The following FBXO11 variants were observed in gnomAD, a reference collection of about 807,000 sequenced individuals.
FBXO11 encodes the protein F-box only protein 11.
Under a neutral mutation model 117.0 loss-of-function variants are expected in FBXO11, and 13 were observed. The observed-to-expected ratio is 0.11, with a 90% CI of 0.07 to 0.18. The LOEUF is 0.18. Among genes scored for constraint, FBXO11 ranks in the 10% least tolerant of loss-of-function variants. FBXO11 has a pLI of 1.00. For missense variants in FBXO11, 767 were observed against 1,164.4 expected (o/e 0.66, Z 4.97); for synonymous variants, 490 against 380.5 (o/e 1.29, Z -3.35).
intron 1 of FBXO11, among the ~76,000 whole-genome samples, chr2:47,844,268 T>C (rs1252144085): frequency 6.6e-6 from 1 of 152,196 alleles, no homozygotes. Context: ...CACTCACATT[T>C]TATATTCTCT....
chr2:47,839,649 C>A lies in FBXO11; in HGVS notation c.353G>T (p.Ser118Ile). 2 of 1,614,008 alleles carry A rather than the reference C, an allele frequency of 1.2e-6. No homozygotes were observed. The highest frequency in any genetic ancestry group is 1.7e-6 in the Non-Finnish European group (2 of 1,179,996). Reference sequence around the variant, plus strand: ...AACTACAGTTAAAGTTACCTCCATACTGTTCTTTGTGGGACACGCTGTTCT... The same window carrying A: ...AACTACAGTTAAAGTTACCTCCATAATGTTCTTTGTGGGACACGCTGTTCT... ...PKRTACPTKN[S>I]MEGASTSTTE... is the part of the protein sequence containing the mutation. Residue 118 changes from serine to isoleucine, a missense_variant, in exon 2 of 23, where the codon AGT becomes ATT. By Grantham distance (142) the Ser-to-Ile change is moderately radical (BLOSUM62 -2). This residue lies in a region of FBXO11 where 355 missense variants were observed against 299.8 expected (regional missense o/e 1.18). Transcript: ENST00000403359.
intron 18 of FBXO11, 134 bp from the exon 19 acceptor site, chr2:47,810,560 A>C: frequency 1.8e-6 from 1 of 556,938 alleles, no homozygotes; most frequent in East Asian, 3.1e-5. Flanking sequence ...TTTTCAGCCA[A>C]AACAAGTTTA....
At chr2:47,814,331 TCG>T (rs1670855236) in intron 16 of FBXO11, 1 of 152,270 alleles carries the variant, frequency 6.6e-6, no homozygotes, top group Non-Finnish European at 1.5e-5. Context: ...AAATACTTTA[TCG>T]CTAAAAAAAT....
Position 47,808,054 on chromosome 2 carries a change from C to T in FBXO11, c.*64G>A. 1.4e-6 allele frequency: 2 copies of T among 1,414,450 alleles called. No individual in the cohort carries two copies. Among genetic ancestry groups the T allele is most frequent in the Non-Finnish European group, 1.9e-6 (2 of 1,029,230 alleles). The allele number at this position is 1,414,450 out of a possible 1,614,324, so 87.6% of individuals were successfully genotyped here. A position where few individuals can be genotyped will look rare whatever the true frequency, so the allele number is the denominator to read the frequency against. On this transcript the variant is annotated 3_prime_UTR_variant, in exon 23 of 23. Transcript: ENST00000403359. ...AGCATGGGCAAATATTTTAAATCTT[C>T]TTCCAAAAAAGTGTTTTAAGTTATG... is the stretch of plus-strand genomic sequence containing the variant.
intron 16 of FBXO11, among the ~76,000 whole-genome samples, chr2:47,816,811 A>C (rs1389892388): frequency 6.6e-6 from 1 of 152,058 alleles, no homozygotes; most frequent in African/African-American, 2.4e-5. Context: ...TATTCAGTAA[A>C]CTGTACTGTA....
At chr2:47,835,368 C>A (rs988161622) in intron 5 of FBXO11, among the ~76,000 whole-genome samples, 1 of 152,118 alleles carries the variant, frequency 6.6e-6, no homozygotes, top group Non-Finnish European at 1.5e-5. Context: ...TCAAACAGAC[C>A]CATTGAAATC....
chr2:47,898,815 T>A (rs1677872451), intron 1 of FBXO11, among the ~76,000 whole-genome samples: 1 of 152,158 alleles, frequency 6.6e-6, no homozygotes, highest in Admixed American at 6.5e-5. Context: ...TATACAAACA[T>A]TCTGCCAAAT....
chr2:47,887,837 A>T (rs924614159), intron 1 of FBXO11, among the ~76,000 whole-genome samples: 2 of 152,058 alleles, frequency 1.3e-5, no homozygotes, highest in East Asian at 1.9e-4. Context: ...TTCCAGCCTG[A>T]ATGACTGAGA....
intron 1 of FBXO11, among the ~76,000 whole-genome samples, chr2:47,846,225 T>C (rs901199200): frequency 1.3e-5 from 2 of 152,230 alleles, no homozygotes; most frequent in South Asian, 2.1e-4. Context: ...CCCAGCACTT[T>C]AGGAGGCCCA....
intron 5 of FBXO11, among the ~76,000 whole-genome samples, chr2:47,835,178 T>G (rs1276515904): frequency 6.6e-6 from 1 of 152,110 alleles, no homozygotes; most frequent in Non-Finnish European, 1.5e-5. Context: ...CCCAGCCAAA[T>G]AGCAGCAGCA....
chr2:47,898,118 A>G (rs1424485069), intron 1 of FBXO11, among the ~76,000 whole-genome samples: 1 of 152,252 alleles, frequency 6.6e-6, no homozygotes. Flanking sequence ...AGAGCAAGCA[A>G]TTAACATACT....
Position 47,892,595 on chromosome 2 carries a change from C to G in FBXO11, c.232+12894G>C, listed in dbSNP as rs565300237. On this transcript the variant is annotated intron_variant, in intron 1 of 22. Transcript: ENST00000403359. ...GAATCAGAAAGATTCATAAAGGCATCCTGGGAGTTACAACTACTGCTTGCT... is the reference window on the plus strand; with the variant it reads ...GAATCAGAAAGATTCATAAAGGCATGCTGGGAGTTACAACTACTGCTTGCT... Among the ~76,000 whole-genome samples the G allele has an allele frequency of 7.9e-5, 12 of 152,172 alleles. 1 individual carries two copies. In the South Asian group the frequency reaches 1.9e-3, roughly 24 times the overall value.
rs146642271 is a variant in FBXO11, at chr2:47,813,424, A to ATTTTTTTTT, written c.2084-48_2084-47insAAAAAAAAA. 34 of 579,422 alleles carry ATTTTTTTTT rather than the reference A, an allele frequency of 5.9e-5. No individual in the cohort carries two copies. The African/African-American group carries it at 2.0e-3, about 34-fold the overall frequency. 35.9% of individuals were successfully genotyped at this position (579,422 alleles called of 1,614,324 possible). ...TTATCTAGAAGGTATATTTCTTTTT[A>ATTTTTTTTT]ATTTTTTTTTTTTTTTTTTTTTTTG... On this transcript the variant is annotated intron_variant, in intron 17 of 22. Transcript: ENST00000403359.
intron 1 of FBXO11, among the ~76,000 whole-genome samples, chr2:47,842,457 T>C (rs553451853): frequency 6.6e-6 from 1 of 152,334 alleles, no homozygotes; most frequent in Admixed American, 6.5e-5. Context: ...TGTAGGTTTC[T>C]CTACCTAGCT....
rs1399860552 is a variant in FBXO11 at position 47,822,249 on chromosome 2, T to C, written c.1671A>G (p.Gly557=). The C allele has an allele frequency of 1.2e-6, 2 of 1,602,570 alleles. No homozygotes were observed. Among genetic ancestry groups the C allele is most frequent in the Non-Finnish European group, 1.7e-6 (2 of 1,174,410 alleles). The stretch of plus-strand genomic sequence containing the variant: ...TGTCATTTCCTTCAATAAGGCCTCG[T>C]CCATCACCAAAGATGTAAACTCCTC... ...NQGGVYIFGD[G]RGLIEGNDIY... is the part of the protein sequence containing the mutation. The change falls in exon 13 of 23, where the codon GGA becomes GGG. Residue 557 remains glycine (G), a synonymous_variant. Coordinates refer to ENST00000403359, the MANE Select transcript of FBXO11 (RefSeq NM_001190274.2).
chr2:47,904,389 C>A (rs538768032), intron 1 of FBXO11, among the ~76,000 whole-genome samples: 1 of 152,178 alleles, frequency 6.6e-6, no homozygotes, highest in East Asian at 1.9e-4. Context: ...TGCAACACCC[C>A]CCCTCATAAA....
intron 1 of FBXO11, among the ~76,000 whole-genome samples, chr2:47,844,448 A>AT (rs1673252124): frequency 6.6e-6 from 1 of 152,144 alleles, no homozygotes; most frequent in African/African-American, 2.4e-5. Flanking sequence ...TCCTATCCCC[A>AT]TATGTGCAAT....
At chr2:47,822,372 T>G in intron 12 of FBXO11, 69 bp from the exon 13 acceptor site, 1 of 938,666 alleles carries the variant, frequency 1.1e-6, no homozygotes, top group Non-Finnish European at 1.7e-6. Flanking sequence ...TATACAACGG[T>G]AAGGCCCCTC....
At chr2:47,840,705 T>G (rs763156173) in intron 1 of FBXO11, among the ~76,000 whole-genome samples, 3 of 151,718 alleles carry the variant, frequency 2.0e-5, no homozygotes, top group African/African-American at 4.8e-5. Flanking sequence ...CCTCCCACCT[T>G]GGCCTCCAAA....
Sources: allele counts gnomAD v4.1 joint callset (sites outside exome capture counted in the v4.1 genomes callset), GRCh38; gene constraint gnomAD v4.1.1; regional missense constraint gnomAD v4.1.1; transcripts MANE v1.5; gene names NCBI Gene and HGNC (gene_info 2026-07-23, HGNC 2026-07-21).